Variants in GALNT18 observed in about 807,000 individuals in gnomAD.
The protein encoded by GALNT18 is GalNAc-transferase 18.
In GALNT18, 44 loss-of-function variants were observed where a neutral mutation model predicts 69.5. The observed-to-expected ratio is 0.63, with a 90% CI of 0.50 to 0.81. GALNT18 has a LOEUF of 0.81. Among genes scored for constraint, GALNT18 ranks in the 40% least tolerant of loss-of-function variants. The pLI is 0.00. For synonymous variants in GALNT18, 364 were observed against 318.2 expected (o/e 1.14, Z -1.53); for missense variants, 715 against 810.0 (o/e 0.88, Z 1.42).
intron 1 of GALNT18, among the ~76,000 whole-genome samples, chr11:11,533,746 A>G (rs541121329): frequency 1.2e-4 from 19 of 152,340 alleles, no homozygotes; most frequent in South Asian, 6.2e-4. Context: ...ATGTTATCCA[A>G]TCATTGGCCT....
chr11:11,403,102 G>A lies in GALNT18; in HGVS notation c.596-23838C>T, dbSNP rs528252029. Among the ~76,000 whole-genome samples, 4 of 152,346 alleles carry A rather than the reference G, an allele frequency of 2.6e-5. No individual in the cohort carries two copies. The East Asian group carries it at 5.8e-4, about 22-fold the overall frequency. On this transcript the variant is annotated intron_variant, in intron 3 of 10. Coordinates refer to ENST00000227756, the MANE Select transcript of GALNT18 (RefSeq NM_198516.3). ...GAACAAATCAGGGGTCTGTACAGCA[G>A]AGGGGTATGCAGAGAGCTAAGCAAT... is the stretch of plus-strand genomic sequence containing the variant.
Position 11,448,736 on chromosome 11 carries a change from C to T in GALNT18, c.428+8G>A. 1 of 1,605,888 alleles carries T rather than the reference C, an allele frequency of 6.2e-7. No homozygotes were observed. The highest frequency in any genetic ancestry group is 8.5e-7 in the Non-Finnish European group (1 of 1,175,738). ...GTCGACAAGGGCCCAGTCACTGACTCTGCTCACCCACTGGGTCTGAGGTCA... is the reference window on the plus strand; with the variant it reads ...GTCGACAAGGGCCCAGTCACTGACTTTGCTCACCCACTGGGTCTGAGGTCA... On this transcript the variant is annotated splice_region_variant and intron_variant, in intron 2 of 10. Transcript: ENST00000227756.
rs1859957911 is a variant in GALNT18 at position 11,613,267 on chromosome 11, T to C, written c.235+8092A>G. Among the ~76,000 whole-genome samples, 1 of 152,190 alleles carries C rather than the reference T, an allele frequency of 6.6e-6. No individual in the cohort carries two copies. Among genetic ancestry groups the C allele is most frequent in the Admixed American group, 6.5e-5 (1 of 15,278 alleles). On this transcript the variant is annotated intron_variant, in intron 1 of 10. Coordinates refer to ENST00000227756, the MANE Select transcript of GALNT18 (RefSeq NM_198516.3). This position sits in a 1 kb window ranked among gnomAD's most constrained non-coding sequence, Gnocchi z 4.2. ...AACTACAGGGGATCTATAAAAGGTA[T>C]ACAGATCCACAGAGAAGATTCCAGA...
At chr11:11,419,973 C>T (rs1183040304) in intron 3 of GALNT18, among the ~76,000 whole-genome samples, 2 of 152,102 alleles carry the variant, frequency 1.3e-5, no homozygotes, top group Non-Finnish European at 2.9e-5. Flanking sequence ...GCCTGGTACT[C>T]AATTTGTTAA....
chr11:11,518,666 AG>A (rs1390353739), intron 1 of GALNT18, among the ~76,000 whole-genome samples: 1 of 152,256 alleles, frequency 6.6e-6, no homozygotes, highest in Non-Finnish European at 1.5e-5. Flanking sequence ...ACACGGACAT[AG>A]AAAAAGACAG....
rs558092804 is a variant in GALNT18, at chr11:11,387,212, G to A, written c.596-7948C>T. 2.6e-5 allele frequency among the ~76,000 whole-genome samples: 4 copies of A among 152,244 alleles called. No individual in the cohort carries two copies. The highest frequency in any genetic ancestry group is 6.5e-5 in the Admixed American group (1 of 15,298). On this transcript the variant is annotated intron_variant, in intron 3 of 10. Coordinates refer to ENST00000227756, the MANE Select transcript of GALNT18 (RefSeq NM_198516.3). The surrounding 1 kb of genome is among the most constrained non-coding windows in gnomAD (Gnocchi z 4.6). ...CCCCATCTTGCTGCCCTCAGTTGCC[G>A]GTCCTTCCCTTTCCAGCTGCTTTTC...
At chr11:11,401,413 G>A (rs773508399) in intron 3 of GALNT18, among the ~76,000 whole-genome samples, 19 of 152,178 alleles carry the variant, frequency 1.2e-4, no homozygotes, top group Non-Finnish European at 2.2e-4. Flanking sequence ...TCACTGCAAG[G>A]TTTGGTGCTG....
intron 1 of GALNT18, among the ~76,000 whole-genome samples, chr11:11,501,444 ACT>A (rs1235732579): frequency 6.6e-6 from 1 of 151,868 alleles, no homozygotes; most frequent in East Asian, 1.9e-4. Flanking sequence ...TCCATTATTC[ACT>A]CTCTGTTTAT....
At chr11:11,374,786 T>C (rs1047976734) in intron 5 of GALNT18, among the ~76,000 whole-genome samples, 10 of 152,248 alleles carry the variant, frequency 6.6e-5, no homozygotes, top group Admixed American at 2.6e-4. Context: ...AATAGATAAA[T>C]GTCTGGACAG....
chr11:11,401,149 CCA>C (rs1854458451), intron 3 of GALNT18, among the ~76,000 whole-genome samples: 1 of 152,132 alleles, frequency 6.6e-6, no homozygotes, highest in African/African-American at 2.4e-5. Context: ...CTGCAGGTCC[CCA>C]AACTCCATTC....
chr11:11,598,048 T>C lies in GALNT18; in HGVS notation c.235+23311A>G, dbSNP rs1239357819. 6.6e-6 allele frequency among the ~76,000 whole-genome samples: 1 copy of C among 152,230 alleles called. No homozygotes were observed. Among genetic ancestry groups the C allele is most frequent in the African/African-American group, 2.4e-5 (1 of 41,468 alleles). ...TTTTCAAAGAACCAACTTTTGGTTT[T>C]ATTGATCTTCTCTATTGGCTTTCTA... is the stretch of plus-strand genomic sequence containing the variant. On this transcript the variant is annotated intron_variant, in intron 1 of 10. Coordinates refer to ENST00000227756, the MANE Select transcript of GALNT18 (RefSeq NM_198516.3). This position sits in a 1 kb window ranked among gnomAD's most constrained non-coding sequence, Gnocchi z 4.8.
At chr11:11,585,554 C>G (rs934629757) in intron 1 of GALNT18, among the ~76,000 whole-genome samples, 2 of 151,960 alleles carry the variant, frequency 1.3e-5, no homozygotes, top group Admixed American at 6.6e-5. Flanking sequence ...GGGGTTTCTT[C>G]CATGTTGGTC....
intron 1 of GALNT18, among the ~76,000 whole-genome samples, chr11:11,608,132 T>C (rs1859797758): frequency 6.6e-6 from 1 of 152,166 alleles, no homozygotes; most frequent in African/African-American, 2.4e-5. Context: ...CTTATGACCA[T>C]CTGAGGCTTG....
chr11:11,307,644 T>C (rs1237710341), intron 9 of GALNT18, among the ~76,000 whole-genome samples: 1 of 152,202 alleles, frequency 6.6e-6, no homozygotes, highest in African/African-American at 2.4e-5. Context: ...CCTTTCCACA[T>C]GTGGCCTCCA....
rs1306112299 is a variant in GALNT18, at chr11:11,413,219, C to A, written c.595+19402G>T. Reference sequence around the variant, plus strand: ...AGAAGCTAGAGAAGCTGGGACAAGCCCTGCACCGTGTAGCTCAGGCCCTGT... The same window carrying A: ...AGAAGCTAGAGAAGCTGGGACAAGCACTGCACCGTGTAGCTCAGGCCCTGT... On this transcript the variant is annotated intron_variant, in intron 3 of 10. Transcript: ENST00000227756. The surrounding 1 kb of genome is among the most constrained non-coding windows in gnomAD (Gnocchi z 4.7). 6.6e-6 allele frequency among the ~76,000 whole-genome samples: 1 copy of A among 152,190 alleles called. No individual in the cohort carries two copies. The highest frequency in any genetic ancestry group is 1.5e-5 in the Non-Finnish European group (1 of 68,034).
chr11:11,571,709 C>T (rs559257263), intron 1 of GALNT18, among the ~76,000 whole-genome samples: 1 of 152,306 alleles, frequency 6.6e-6, no homozygotes, highest in South Asian at 2.1e-4. Flanking sequence ...TTTAAATAGA[C>T]TTTCTCCACA....
Position 11,511,775 on chromosome 11 carries a change from T to C in GALNT18, c.236-62839A>G, listed in dbSNP as rs1398611547. On this transcript the variant is annotated intron_variant, in intron 1 of 10. Transcript: ENST00000227756. The surrounding 1 kb of genome is among the most constrained non-coding windows in gnomAD (Gnocchi z 4.9). The stretch of plus-strand genomic sequence containing the variant: ...GCTCTCCCAGTCTCTTTTTGCCATG[T>C]GAGGATACAATGAGAAGTTGGCAGT... 6.6e-6 allele frequency among the ~76,000 whole-genome samples: 1 copy of C among 152,122 alleles called. No homozygotes were observed. The highest frequency in any genetic ancestry group is 1.5e-5 in the Non-Finnish European group (1 of 68,004).
intron 6 of GALNT18, among the ~76,000 whole-genome samples, chr11:11,349,257 C>A (rs559743475): frequency 6.6e-6 from 1 of 152,152 alleles, no homozygotes; most frequent in Non-Finnish European, 1.5e-5. Context: ...CCTCGGAACG[C>A]GCTTGTATGT....
intron 1 of GALNT18, among the ~76,000 whole-genome samples, chr11:11,535,095 A>G (rs1476290920): frequency 6.6e-6 from 1 of 152,250 alleles, no homozygotes; most frequent in African/African-American, 2.4e-5. Context: ...GAGCTTCATC[A>G]GATCCCTTCC....
Sources: allele counts gnomAD v4.1 joint callset (sites outside exome capture counted in the v4.1 genomes callset), GRCh38; gene constraint gnomAD v4.1.1; non-coding constraint Gnocchi (gnomAD v3.1); transcripts MANE v1.5; gene names NCBI Gene and HGNC (gene_info 2026-07-23, HGNC 2026-07-21).